MUC17: variants seen among roughly 807,000 people sequenced by gnomAD.
The protein encoded by MUC17 is mucin 17, cell surface associated.
MUC17 carries 190 observed loss-of-function variants against 170.3 expected under a neutral mutation model. The observed-to-expected ratio is 1.12, with a 90% CI of 0.99 to 1.26. MUC17 has a LOEUF of 1.26. Among genes scored for constraint, MUC17 ranks in the 50% most tolerant of loss-of-function variants. The pLI is 0.00. For missense variants in MUC17, 6,415 were observed against 5,530.0 expected, an observed-to-expected ratio of 1.16 and a Z score of -5.08; for synonymous variants, 2,325 against 2,002.5, an observed-to-expected ratio of 1.16 and a Z score of -4.30.
In MUC17 at chr7:101,037,766, C is replaced by G. The variant is rs562408589; in HGVS notation, c.6350C>G (p.Pro2117Arg). Residue 2117 changes from proline to arginine, a missense_variant, in exon 3 of 13, where the codon CCT becomes CGT. Physicochemically the swap from Pro to Arg is moderately radical, Grantham distance 103. Coordinates refer to ENST00000306151, the MANE Select transcript of MUC17 (RefSeq NM_001040105.2). ...CTCAGCACCACGCCGGTGGCCAGTC[C>G]TGAGGCTAGCACCCTTTCAACAACT... ...IPLSTTPVAS[P>R]EASTLSTTPV... The G allele has an allele frequency of 6.2e-7, 1 of 1,613,508 alleles. No homozygotes were observed. Among genetic ancestry groups the G allele is most frequent in the Non-Finnish European group, 8.5e-7 (1 of 1,179,622 alleles).
Position 101,058,329 on chromosome 7 carries a change from T to A in MUC17, c.*285T>A, listed in dbSNP as rs4729656. On this transcript the variant is annotated 3_prime_UTR_variant, in exon 13 of 13. Coordinates refer to ENST00000306151, the MANE Select transcript of MUC17 (RefSeq NM_001040105.2). ...TGAGGGTACTCTGACTGCAACATCT[T>A]TCACCCCATTGATCGCCAGGATTGA... The A allele has an allele frequency of 0.63, 177,518 of 283,884 alleles. 56,100 individuals carry two copies. The highest frequency in any genetic ancestry group is 0.71 in the East Asian group (11,859 of 16,722). The allele number at this position is 283,884 out of a possible 1,614,324, so 17.6% of individuals were successfully genotyped here.
At position 101,050,648 on chromosome 7, in the gene MUC17, C is replaced by A; in HGVS notation, c.12874+13C>A. ...GATATTTGCTCAGGTGAACTCTGGG[C>A]TTCCAGGGAGGGAAGGGAGAAGGCA... On this transcript the variant is annotated intron_variant, in intron 7 of 12. Transcript: ENST00000306151. The A allele has an allele frequency of 1.2e-6, 2 of 1,611,370 alleles. No homozygotes were observed. Among genetic ancestry groups the A allele is most frequent in the South Asian group, 2.2e-5 (2 of 90,660 alleles).
At chr7:101,030,125 C>T (rs1455660363) in intron 1 of MUC17, among the ~76,000 whole-genome samples, 2 of 151,902 alleles carry the variant, frequency 1.3e-5, no homozygotes, top group Non-Finnish European at 2.9e-5. Flanking sequence ...CTTAAGTTCT[C>T]TTAAATGTTT....
At position 101,041,273 on chromosome 7, in the gene MUC17, T is replaced by A; in HGVS notation, c.9857T>A (p.Met3286Lys). 1 of 1,611,288 alleles carries A rather than the reference T, an allele frequency of 6.2e-7. No individual in the cohort carries two copies. The highest frequency in any genetic ancestry group is 8.5e-7 in the Non-Finnish European group (1 of 1,178,298). The stretch of plus-strand genomic sequence containing the variant: ...GAAGGAAGCACTCCATTAACAAGTA[T>A]GCCTGTCAGCACCACAACGGTGGCC... The part of the protein sequence containing the change: ...PSEGSTPLTS[M>K]PVSTTTVASS... Residue 3286 changes from methionine (M) to lysine (K), a missense_variant, in exon 3 of 13, where the codon ATG becomes AAG. Transcript: ENST00000306151.
Position 101,036,100 on chromosome 7 carries a change from A to G in MUC17, c.4684A>G (p.Ser1562Gly). The G allele has an allele frequency of 1.9e-6, 3 of 1,612,330 alleles. No homozygotes were observed. The highest frequency in any genetic ancestry group is 2.5e-6 in the Non-Finnish European group (3 of 1,178,780). ...SSSPTTADGT[S>G]MQTSTYSEGS... is the part of the protein sequence containing the mutation. Reference sequence around the variant, plus strand: ...ATCTCCTACAACTGCTGACGGTACCAGCATGCAAACCTCAACTTATAGTGA... The same window carrying G: ...ATCTCCTACAACTGCTGACGGTACCGGCATGCAAACCTCAACTTATAGTGA... The change falls in exon 3 of 13, where the codon AGC becomes GGC. Residue 1562 changes from serine to glycine, a missense_variant. Physicochemically the swap from Ser to Gly is moderately conservative, Grantham distance 56 (BLOSUM62 0). Coordinates refer to ENST00000306151, the MANE Select transcript of MUC17 (RefSeq NM_001040105.2).
intron 2 of MUC17, 45 bp downstream of exon 2, chr7:101,031,266 T>A (rs1186459716): frequency 6.3e-7 from 1 of 1,589,106 alleles, no homozygotes; most frequent in South Asian, 1.2e-5. Flanking sequence ...GTGGCTCACC[T>A]GCGAAAGGGC....
At position 101,040,533 on chromosome 7, in the gene MUC17, A is replaced by T. The variant is rs747691277; in HGVS notation, c.9117A>T (p.Ser3039=). The change falls in exon 3 of 13, where the codon TCA becomes TCT. Residue 3039 remains serine (S), a synonymous_variant. Transcript: ENST00000306151. The part of the protein sequence containing the change: ...TTAEGTGIPI[S]TPSEGSTPLT... ...CTGAAGGTACCGGCATACCAATCTC[A>T]ACTCCTAGTGAAGGAAGTACTCCAT... 14 of 1,610,430 alleles carry T rather than the reference A, an allele frequency of 8.7e-6. No homozygotes were observed. The highest frequency in any genetic ancestry group is 1.2e-5 in the Non-Finnish European group (14 of 1,178,872).
chr7:101,020,352 G>C (rs1794050093), intron 1 of MUC17, 135 bp downstream of exon 1: 3 of 594,250 alleles, frequency 5.0e-6, no homozygotes. Flanking sequence ...GCTCAGCCCT[G>C]TGCCTACCCC....
At chr7:101,048,189 C>CA in intron 4 of MUC17, 74 bp downstream of exon 4, 1 of 1,418,236 alleles carries the variant, frequency 7.1e-7, no homozygotes, top group Non-Finnish European at 9.3e-7. Flanking sequence ...AGTTCCTGCC[C>CA]CACCTTGATG....
rs113411063 is a variant in MUC17, at chr7:101,043,271, A to C, written c.11855A>C (p.Asp3952Ala). 10 of 1,614,028 alleles carry C rather than the reference A, an allele frequency of 6.2e-6. No individual in the cohort carries two copies. The highest frequency in any genetic ancestry group is 7.6e-6 in the Non-Finnish European group (9 of 1,180,046). Residue 3952 changes from aspartate to alanine, a missense_variant, in exon 3 of 13, where the codon GAT becomes GCT. Transcript: ENST00000306151. ...ACTCCTGTCACCAGTTCTACTGCTG[A>C]TGTCTTTCCTGCAACAACTGGTGCT... ...PSTPVTSSTA[D>A]VFPATTGAVS...
rs945456578 is a variant in MUC17, at chr7:101,051,833, G to C, written c.12974G>C (p.Gly4325Ala). 2.5e-6 allele frequency: 4 copies of C among 1,614,060 alleles called. No individual in the cohort carries two copies. The African/African-American group carries it at 5.3e-5, about 22-fold the overall frequency. Residue 4325 changes from glycine to alanine, a missense_variant, in exon 9 of 13, where the codon GGA (glycine) becomes GCA (alanine). Transcript: ENST00000306151. ...TGCCGGAAGATGGCCAAGGAATATG[G>C]AGACTACTTCGTAGTGGAGTACCGG... is the stretch of plus-strand genomic sequence containing the variant. Reference protein sequence around the residue: ...EDCRKMAKEYGDYFVVEYRDQ... With the variant: ...EDCRKMAKEYADYFVVEYRDQ...
chr7:101,043,303 A>G lies in MUC17; in HGVS notation c.11887A>G (p.Thr3963Ala), dbSNP rs756673854. Reference sequence around the variant, plus strand: ...TCCTGCAACAACTGGTGCTGTATCTACCCCTGTGATAACTTCCACTGAACT... The same window carrying G: ...TCCTGCAACAACTGGTGCTGTATCTGCCCCTGTGATAACTTCCACTGAACT... Reference protein sequence around the residue: ...VFPATTGAVSTPVITSTELNT... With the variant: ...VFPATTGAVSAPVITSTELNT... Residue 3963 changes from threonine to alanine, a missense_variant, in exon 3 of 13, where the codon ACC (threonine) becomes GCC (alanine). Thr to Ala is a moderately conservative substitution (Grantham distance 58). Transcript: ENST00000306151. 6.2e-6 allele frequency: 10 copies of G among 1,613,994 alleles called. No individual in the cohort carries two copies. In the Admixed American group the frequency reaches 1.7e-4, roughly 27 times the overall value.
At position 101,039,443 on chromosome 7, in the gene MUC17, C is replaced by A. The variant is rs903059641; in HGVS notation, c.8027C>A (p.Thr2676Asn). ...TSTGTSSSPT[T>N]AEGSSMPTST... ...ACTGGAACCAGTTCATCTCCTACAA[C>A]TGCTGAAGGTAGCAGCATGCCAACC... Residue 2676 changes from threonine to asparagine, a missense_variant, in exon 3 of 13, where the codon ACT (threonine) becomes AAT (asparagine). Coordinates refer to ENST00000306151, the MANE Select transcript of MUC17 (RefSeq NM_001040105.2). 6.2e-7 allele frequency: 1 copy of A among 1,611,432 alleles called. No homozygotes were observed. Among genetic ancestry groups the A allele is most frequent in the Non-Finnish European group, 8.5e-7 (1 of 1,178,882 alleles).
chr7:101,043,379 C>T lies in MUC17; in HGVS notation c.11963C>T (p.Thr3988Ile). 2 of 1,614,156 alleles carry T rather than the reference C, an allele frequency of 1.2e-6. No individual in the cohort carries two copies. Among genetic ancestry groups the T allele is most frequent in the South Asian group, 1.1e-5 (1 of 91,078 alleles). ...SSSTTTSFSTTKEFTTPAMTT... is the reference protein window; with the variant it reads ...SSSTTTSFSTIKEFTTPAMTT... ...AGTACCACCACATCTTTTTCAACTA[C>T]TAAGGAATTTACAACACCCGCAATG... Residue 3988 changes from threonine to isoleucine, a missense_variant, in exon 3 of 13, where the codon ACT becomes ATT. Physicochemically the swap from Thr to Ile is moderately conservative, Grantham distance 89. Transcript: ENST00000306151.
rs1218757406 is a variant in MUC17, at chr7:101,020,123, G to T, written c.-13G>T. 1 of 1,587,436 alleles carries T rather than the reference G, an allele frequency of 6.3e-7. No individual in the cohort carries two copies. Among genetic ancestry groups the T allele is most frequent in the Non-Finnish European group, 8.6e-7 (1 of 1,166,590 alleles). On this transcript the variant is annotated 5_prime_UTR_variant, in exon 1 of 13. Transcript: ENST00000306151. Reference sequence around the variant, plus strand: ...TGGGGGTGACAGGCAAGTGAGACGTGCTCAGAGCTCCGATGCCAAGGCCAG... The same window carrying T: ...TGGGGGTGACAGGCAAGTGAGACGTTCTCAGAGCTCCGATGCCAAGGCCAG...
Position 101,034,206 on chromosome 7 carries a change from T to G in MUC17, c.2790T>G (p.Pro930=). 6.2e-7 allele frequency: 1 copy of G among 1,600,372 alleles called. No individual in the cohort carries two copies. Among genetic ancestry groups the G allele is most frequent in the Non-Finnish European group, 8.5e-7 (1 of 1,173,206 alleles). ...GAAGCACTCCATTAACAAGTATGCCTGACAGCACCACGCCGGTAGTCAGTT... is the reference window on the plus strand; with the variant it reads ...GAAGCACTCCATTAACAAGTATGCCGGACAGCACCACGCCGGTAGTCAGTT... ...GEGSTPLTSM[P]DSTTPVVSSE... Residue 930 remains proline, a synonymous_variant, in exon 3 of 13, where the codon CCT becomes CCG. Coordinates refer to ENST00000306151, the MANE Select transcript of MUC17 (RefSeq NM_001040105.2).
intron 2 of MUC17, 143 bp downstream of exon 2, chr7:101,031,364 T>C: frequency 7.3e-7 from 1 of 1,368,802 alleles, no homozygotes; most frequent in Admixed American, 2.8e-5. Flanking sequence ...ACAAGGCAGA[T>C]GTGGAATCAC....
In MUC17 at chr7:101,036,137, C is replaced by T; in HGVS notation, c.4721C>T (p.Pro1574Leu). The change falls in exon 3 of 13, where the codon CCA becomes CTA. Residue 1574 changes from proline to leucine, a missense_variant. Coordinates refer to ENST00000306151, the MANE Select transcript of MUC17 (RefSeq NM_001040105.2). ...QTSTYSEGST[P>L]LTSLPVSTML... ...TCAACTTATAGTGAAGGAAGCACTC[C>T]ACTAACAAGTTTGCCTGTCAGCACC... The T allele has an allele frequency of 6.2e-7, 1 of 1,613,054 alleles. No individual in the cohort carries two copies. The highest frequency in any genetic ancestry group is 1.1e-5 in the South Asian group (1 of 90,974).
Position 101,053,224 on chromosome 7 carries a change from A to G in MUC17, c.13265+77A>G. 1.9e-6 allele frequency: 3 copies of G among 1,584,124 alleles called. No individual in the cohort carries two copies. The East Asian group carries it at 6.8e-5, about 36-fold the overall frequency. Reference sequence around the variant, plus strand: ...TCCTCTGAACCCTCTGTCTCTAATCACTTCATAGTCTAGGTGGGCAGCGGG... The same window carrying G: ...TCCTCTGAACCCTCTGTCTCTAATCGCTTCATAGTCTAGGTGGGCAGCGGG... On this transcript the variant is annotated intron_variant, in intron 10 of 12. Transcript: ENST00000306151.
Sources: allele counts gnomAD v4.1 joint callset (sites outside exome capture counted in the v4.1 genomes callset), GRCh38; gene constraint gnomAD v4.1.1; transcripts MANE v1.5; gene names NCBI Gene and HGNC (gene_info 2026-07-23, HGNC 2026-07-21).